AXDND1: variants seen among roughly 807,000 people sequenced by gnomAD.
The protein encoded by AXDND1 is axonemal dynein light chain domain-containing protein 1.
AXDND1 carries 110 observed loss-of-function variants against 137.5 expected under a neutral mutation model. That is an observed-to-expected ratio of 0.80 (90% CI 0.69 to 0.94). The LOEUF is 0.94. AXDND1 is among the 40% of genes least tolerant of loss of function. The pLI is 0.00. For synonymous variants in AXDND1, 414 were observed against 399.7 expected, an observed-to-expected ratio of 1.04 and a Z score of -0.43; for missense variants, 1,191 against 1,169.8, an observed-to-expected ratio of 1.02 and a Z score of -0.26.
intron 11 of AXDND1, among the ~76,000 whole-genome samples, chr1:179,408,468 C>T (rs1030209020): frequency 6.6e-6 from 1 of 151,880 alleles, no homozygotes; most frequent in Non-Finnish European, 1.5e-5. Flanking sequence ...CCACTGCCTT[C>T]TGGGTTCAAG....
chr1:179,445,263 T>C lies in AXDND1; in HGVS notation c.1798+59T>C, dbSNP rs1659572504. On this transcript the variant is annotated intron_variant, in intron 16 of 25. Coordinates refer to ENST00000367618, the MANE Select transcript of AXDND1 (RefSeq NM_144696.6). Reference sequence around the variant, plus strand: ...GTATAAAATGTTTCCACAATAATTATTTTCAATACAATGAATATTTAAAAT... The same window carrying C: ...GTATAAAATGTTTCCACAATAATTACTTTCAATACAATGAATATTTAAAAT... 5.2e-6 allele frequency: 6 copies of C among 1,143,258 alleles called. No individual in the cohort carries two copies. The South Asian group carries it at 1.1e-4, about 20-fold the overall frequency. 70.8% of individuals were successfully genotyped at this position (1,143,258 alleles called of 1,614,324 possible). A position where few individuals can be genotyped will look rare whatever the true frequency, so the allele number is the denominator to read the frequency against.
At chr1:179,494,460 A>G (rs1667247604) in intron 20 of AXDND1, among the ~76,000 whole-genome samples, 1 of 150,738 alleles carries the variant, frequency 6.6e-6, no homozygotes, top group Non-Finnish European at 1.5e-5. Context: ...TATTGAGTTT[A>G]GACAGCTGTT....
At chr1:179,434,709 A>C (rs1657882650) in intron 15 of AXDND1, among the ~76,000 whole-genome samples, 1 of 152,196 alleles carries the variant, frequency 6.6e-6, no homozygotes, top group Admixed American at 6.5e-5. Context: ...ATCTCAAAAT[A>C]ATAAGAGCTA....
At position 179,526,268 on chromosome 1, in the gene AXDND1, A is replaced by C. The variant is rs58417106; in HGVS notation, c.2610+821A>C. 3.5e-3 allele frequency among the ~76,000 whole-genome samples: 530 copies of C among 152,218 alleles called. 7 individuals are homozygous for C. The highest frequency in any genetic ancestry group is 0.012 in the African/African-American group (496 of 41,524). The stretch of plus-strand genomic sequence containing the variant: ...CCTTCCTGGGACATTTGTAATAATA[A>C]TAATAATACGATGATTACCAAAAAT... On this transcript the variant is annotated intron_variant, in intron 22 of 25. Coordinates refer to ENST00000367618, the MANE Select transcript of AXDND1 (RefSeq NM_144696.6).
rs758242203 is a variant in AXDND1 at position 179,552,597 on chromosome 1, G to C, written c.3032-1915G>C. On this transcript the variant is annotated intron_variant, in intron 25 of 25. Transcript: ENST00000367618. ...GGCAGTCTGGGTGGGAGGATGGAGTGCTCACCCGCACTTTGGCTTGTCTTT... is the reference window on the plus strand; with the variant it reads ...GGCAGTCTGGGTGGGAGGATGGAGTCCTCACCCGCACTTTGGCTTGTCTTT... 41 of 1,612,268 alleles carry C rather than the reference G, an allele frequency of 2.5e-5. No homozygotes were observed. Among genetic ancestry groups the C allele is most frequent in the Non-Finnish European group, 3.4e-5 (40 of 1,178,844 alleles).
At chr1:179,419,601 G>C (rs1052242509) in intron 12 of AXDND1, among the ~76,000 whole-genome samples, 6 of 143,878 alleles carry the variant, frequency 4.2e-5, no homozygotes, top group Admixed American at 7.0e-5. Context: ...GAGGGAGACC[G>C]TGGAAAGAGA....
At position 179,554,691 on chromosome 1, in the gene AXDND1, G is replaced by GT; in HGVS notation, c.*175dup. The GT allele has an allele frequency of 3.2e-6, 3 of 946,776 alleles. No individual in the cohort carries two copies. In the South Asian group the frequency reaches 4.3e-5, roughly 14 times the overall value. 58.6% of individuals were successfully genotyped at this position (946,776 alleles called of 1,614,324 possible). A position where few individuals can be genotyped will look rare whatever the true frequency, so the allele number is the denominator to read the frequency against. The stretch of plus-strand genomic sequence containing the variant: ...ACTTCACAGTGCCTTGCAAAGAGTT[G>GT]TTTAACTTGCATGGTGCCACCCAAT... On this transcript the variant is annotated 3_prime_UTR_variant, in exon 26 of 26. Coordinates refer to ENST00000367618, the MANE Select transcript of AXDND1 (RefSeq NM_144696.6).
rs369246972 is a variant in AXDND1 at position 179,488,657 on chromosome 1, TTC to T, written c.2092-2879_2092-2878del. Among the ~76,000 whole-genome samples the T allele has an allele frequency of 1.9e-3, 202 of 107,008 alleles. 4 individuals carry two copies. The highest frequency in any genetic ancestry group is 3.7e-3 in the African/African-American group (85 of 23,284). The allele number at this position is 107,008 out of a possible 152,430, so 70.2% of individuals were successfully genotyped here. A position where few individuals can be genotyped will look rare whatever the true frequency, so the allele number is the denominator to read the frequency against. ...CTCCTTTCTTTCTTTCTTTCTTTCT[TTC>T]TTTCTTTCTTTCTTTCTTTCTTTCT... On this transcript the variant is annotated intron_variant, in intron 18 of 25. Transcript: ENST00000367618.
rs760299077 is a variant in AXDND1 at position 179,378,752 on chromosome 1, C to T, written c.490C>T (p.His164Tyr). ...LQSHDGVIVPHKPKTLTDTLI... is the reference protein window; with the variant it reads ...LQSHDGVIVPYKPKTLTDTLI... ...GTCACATGATGGTGTCATTGTGCCC[C>T]ATAAGGTAAATAAAGTATTTGACAA... The change falls in exon 5 of 26, where the codon CAT (histidine) becomes TAT (tyrosine). Residue 164 changes from histidine to tyrosine, a missense_variant. Coordinates refer to ENST00000367618, the MANE Select transcript of AXDND1 (RefSeq NM_144696.6). The T allele has an allele frequency of 1.3e-6, 2 of 1,543,606 alleles. No homozygotes were observed. The highest frequency in any genetic ancestry group is 1.8e-5 in the Admixed American group (1 of 54,248).
intron 25 of AXDND1, among the ~76,000 whole-genome samples, chr1:179,537,477 T>C (rs1304571966): frequency 2.0e-5 from 3 of 152,176 alleles, no homozygotes; most frequent in African/African-American, 7.2e-5. Context: ...TTGGTTCTGT[T>C]TATTTGATGG....
At chr1:179,454,235 G>A (rs1440639693) in intron 16 of AXDND1, 2 of 152,266 alleles carry the variant, frequency 1.3e-5, no homozygotes, top group Non-Finnish European at 2.9e-5. Flanking sequence ...TTCCCATGCT[G>A]TTCTCATGGT....
At chr1:179,393,796 C>T in intron 9 of AXDND1, 107 bp from the exon 10 acceptor site, 1 of 824,612 alleles carries the variant, frequency 1.2e-6, no homozygotes. Context: ...GCTTGGTTTT[C>T]TTGGTGTATA....
chr1:179,456,685 C>A lies in AXDND1; in HGVS notation c.1798+11481C>A, dbSNP rs555869571. The stretch of plus-strand genomic sequence containing the variant: ...CCATCATGACCACTGAAGTTTCCTC[C>A]GTGACCAAAGTTGTCATTCCCACTG... On this transcript the variant is annotated intron_variant, in intron 16 of 25. Transcript: ENST00000367618. 14 of 800,164 alleles carry A rather than the reference C, an allele frequency of 1.7e-5. No individual in the cohort carries two copies. The East Asian group carries it at 3.4e-4, about 19-fold the overall frequency. The allele number at this position is 800,164 out of a possible 1,614,324, so 49.6% of individuals were successfully genotyped here. A position where few individuals can be genotyped will look rare whatever the true frequency, so the allele number is the denominator to read the frequency against.
rs1286734834 is a variant in AXDND1 at position 179,488,726 on chromosome 1, TTCTCTC to T, written c.2092-2804_2092-2799del. Among the ~76,000 whole-genome samples the T allele has an allele frequency of 2.2e-5, 2 of 91,906 alleles. 1 individual carries two copies. Among genetic ancestry groups the T allele is most frequent in the Non-Finnish European group, 5.0e-5 (2 of 40,298 alleles). The allele number at this position is 91,906 out of a possible 152,430, so 60.3% of individuals were successfully genotyped here. On this transcript the variant is annotated intron_variant, in intron 18 of 25. Coordinates refer to ENST00000367618, the MANE Select transcript of AXDND1 (RefSeq NM_144696.6). The stretch of plus-strand genomic sequence containing the variant: ...TCTCTCTGTCTCTCTCTCTCTTTCT[TTCTCTC>T]TCTCTCTTTCTTTTTTTTTTGAAAT...
rs1648725871 is a variant in AXDND1, at chr1:179,383,512, G to GA, written c.709_710insA (p.Val237AspfsTer32). 1 of 1,613,872 alleles carries GA rather than the reference G, an allele frequency of 6.2e-7. No homozygotes were observed. The highest frequency in any genetic ancestry group is 1.7e-5 in the Admixed American group (1 of 60,008). ...GGATACTATGCTAGAGAGGGCTGGT[G>GA]TGGAAAATCAGGAATATACAGGACC... On this transcript the variant is annotated frameshift_variant, in exon 8 of 26. Coordinates refer to ENST00000367618, the MANE Select transcript of AXDND1 (RefSeq NM_144696.6). LOFTEE classifies it high-confidence loss of function.
chr1:179,381,943 A>ATTTTTTTTTTTTTTTTTTTTT (rs71111920), intron 6 of AXDND1, among the ~76,000 whole-genome samples: 1 of 105,434 alleles, frequency 9.5e-6, no homozygotes, highest in African/African-American at 3.7e-5. Flanking sequence ...ACCACACCTA[A>ATTTTTTTTTTTTTTTTTTTTT]TTTTTTTTTT....
chr1:179,491,455 A>T, intron 18 of AXDND1, 83 bp from the exon 19 acceptor site: 1 of 943,188 alleles, frequency 1.1e-6, no homozygotes, highest in Non-Finnish European at 1.6e-6. Flanking sequence ...AGGCACGATC[A>T]TTTCTATTTT....
intron 21 of AXDND1, among the ~76,000 whole-genome samples, chr1:179,522,336 C>A (rs190967276): frequency 1.3e-5 from 2 of 152,236 alleles, no homozygotes; most frequent in Non-Finnish European, 1.5e-5. Flanking sequence ...CAAGTCTCAT[C>A]ATTTTTGTAA....
chr1:179,437,756 G>T (rs1356523891), intron 15 of AXDND1, among the ~76,000 whole-genome samples: 1 of 152,164 alleles, frequency 6.6e-6, no homozygotes, highest in Non-Finnish European at 1.5e-5. Flanking sequence ...AAGGGTTGAG[G>T]CTCTCCAGGC....
Sources: gnomAD v4.1 joint callset for allele counts (sites outside exome capture counted in the v4.1 genomes callset) on GRCh38, gnomAD v4.1.1 for gene constraint, MANE v1.5 for transcripts, NCBI Gene and HGNC (gene_info 2026-07-23, HGNC 2026-07-21) for gene names.